Variants in RSU1 observed in about 807,000 individuals in gnomAD.
RSU1 encodes Ras suppressor protein 1, also known as rsu-1.
A neutral mutation model predicts 31.1 loss-of-function variants in RSU1; 26 were observed. That is an observed-to-expected ratio of 0.84 (90% confidence interval 0.61 to 1.16). RSU1 has a LOEUF of 1.16. RSU1 is among the 50% of genes most tolerant of loss of function. The pLI, the probability that RSU1 is intolerant of heterozygous loss-of-function variation, is 0.00. For missense variants in RSU1, 320 were observed against 339.1 expected (o/e 0.94, Z 0.44); for synonymous variants, 164 against 136.3 (o/e 1.20, Z -1.41).
intron 3 of RSU1, among the ~76,000 whole-genome samples, chr10:16,766,728 G>A (rs568976171): frequency 1.8e-4 from 27 of 151,004 alleles, no homozygotes; most frequent in African/African-American, 6.6e-4. Context: ...GAAGAGAAAA[G>A]ATTGGCCTGG....
intron 2 of RSU1, among the ~76,000 whole-genome samples, chr10:16,789,411 G>C (rs888317455): frequency 2.0e-5 from 3 of 152,132 alleles, no homozygotes. Context: ...ACTCCAGGTC[G>C]GGTCTGCAGG....
chr10:16,624,175 A>T (rs997790877), intron 8 of RSU1, among the ~76,000 whole-genome samples: 1 of 151,952 alleles, frequency 6.6e-6, no homozygotes, highest in African/African-American at 2.4e-5. Flanking sequence ...AGCTCAGGGT[A>T]TCAGGTCCCT....
At chr10:16,673,356 TTTC>T (rs1835155519) in intron 8 of RSU1, among the ~76,000 whole-genome samples, 1 of 152,246 alleles carries the variant, frequency 6.6e-6, no homozygotes, top group Non-Finnish European at 1.5e-5. Flanking sequence ...GCTACAAATT[TTTC>T]TTTTTACTGG....
At chr10:16,749,059 T>C (rs1365288187) in intron 7 of RSU1, among the ~76,000 whole-genome samples, 5 of 152,180 alleles carry the variant, frequency 3.3e-5, no homozygotes, top group Non-Finnish European at 7.3e-5. Context: ...GCAAGTTCCT[T>C]GGACTCAAAG....
chr10:16,669,342 T>C (rs1414876390), intron 8 of RSU1, among the ~76,000 whole-genome samples: 1 of 151,734 alleles, frequency 6.6e-6, no homozygotes, highest in African/African-American at 2.4e-5. Flanking sequence ...TGTTGTATTG[T>C]CTTCTTGAAA....
intron 2 of RSU1, among the ~76,000 whole-genome samples, chr10:16,794,116 C>A (rs1235513403): frequency 6.6e-6 from 1 of 152,106 alleles, no homozygotes; most frequent in African/African-American, 2.4e-5. Context: ...ATCACTGACA[C>A]GCACCCCTCC....
intron 7 of RSU1, among the ~76,000 whole-genome samples, chr10:16,742,656 T>G (rs1215632075): frequency 6.6e-6 from 1 of 151,980 alleles, no homozygotes; most frequent in Non-Finnish European, 1.5e-5. Context: ...TGCCGGCATT[T>G]CTCCCAGGGC....
chr10:16,781,404 A>G (rs1254838763), intron 3 of RSU1, among the ~76,000 whole-genome samples: 1 of 152,210 alleles, frequency 6.6e-6, no homozygotes, highest in African/African-American at 2.4e-5. Context: ...AAAAATGCAG[A>G]TGTAAAGGTA....
rs191578464 is a variant in RSU1, at chr10:16,631,116, A to G, written c.732-37620T>C. ...GGGTTCCAGGGTCCCTAAGGTTCCA[A>G]TCGTAATCAGCATCCAACTGTCTGC... is the stretch of plus-strand genomic sequence containing the variant. On this transcript the variant is annotated intron_variant, in intron 8 of 8. Coordinates refer to ENST00000345264, the MANE Select transcript of RSU1 (RefSeq NM_012425.4). Among the ~76,000 whole-genome samples the G allele has an allele frequency of 6.7e-4, 102 of 152,320 alleles. 1 individual carries two copies. The East Asian group carries it at 0.015, about 23-fold the overall frequency.
At chr10:16,798,063 T>A (rs1443980117) in intron 2 of RSU1, among the ~76,000 whole-genome samples, 1 of 152,012 alleles carries the variant, frequency 6.6e-6, no homozygotes, top group African/African-American at 2.4e-5. Flanking sequence ...GGTTTTACCA[T>A]GTTGGCCAGG....
chr10:16,656,459 T>A (rs1259147448), intron 8 of RSU1, among the ~76,000 whole-genome samples: 1 of 152,180 alleles, frequency 6.6e-6, no homozygotes, highest in Non-Finnish European at 1.5e-5. Context: ...AAGTTTTTGT[T>A]TGCTTGTTTG....
At chr10:16,800,962 C>A (rs201583454) in intron 2 of RSU1, among the ~76,000 whole-genome samples, 14 of 140,890 alleles carry the variant, frequency 9.9e-5, no homozygotes, top group Non-Finnish European at 9.5e-5. Flanking sequence ...GAGCAGAAGA[C>A]AAAAAAAAAA....
chr10:16,696,952 C>T (rs1358329528), intron 7 of RSU1, among the ~76,000 whole-genome samples: 1 of 152,104 alleles, frequency 6.6e-6, no homozygotes, highest in Non-Finnish European at 1.5e-5. Context: ...TAGTTTGCTG[C>T]ACTCAATTTA....
At chr10:16,612,347 C>A (rs1833905486) in intron 8 of RSU1, among the ~76,000 whole-genome samples, 1 of 152,192 alleles carries the variant, frequency 6.6e-6, no homozygotes, top group Admixed American at 6.5e-5. Context: ...ACTTTCTGAG[C>A]CTGGTTTTCA....
At chr10:16,620,601 T>C (rs189812320) in intron 8 of RSU1, among the ~76,000 whole-genome samples, 2 of 150,754 alleles carry the variant, frequency 1.3e-5, no homozygotes, top group East Asian at 3.9e-4. Context: ...ATCCCAGCAC[T>C]TTGGGAGGCC....
At chr10:16,621,267 T>A (rs1179114368) in intron 8 of RSU1, among the ~76,000 whole-genome samples, 1 of 152,146 alleles carries the variant, frequency 6.6e-6, no homozygotes, top group South Asian at 2.1e-4. Context: ...GCACAGGACA[T>A]CCTGGCCCAA....
At chr10:16,687,579 G>A (rs1043928660) in intron 8 of RSU1, among the ~76,000 whole-genome samples, 10 of 152,190 alleles carry the variant, frequency 6.6e-5, no homozygotes, top group African/African-American at 2.4e-4. Context: ...TTGGAAGAGA[G>A]TAAGAACTTA....
intron 7 of RSU1, among the ~76,000 whole-genome samples, chr10:16,728,536 G>A (rs1017507143): frequency 1.3e-5 from 2 of 152,174 alleles, no homozygotes; most frequent in Admixed American, 6.5e-5. Context: ...AAACGCAACG[G>A]AACTATGAGG....
rs1262767525 is a variant in RSU1 at position 16,590,753 on chromosome 10, AAAT to A, written c.*2638_*2640del. On this transcript the variant is annotated 3_prime_UTR_variant, in exon 9 of 9. Coordinates refer to ENST00000345264, the MANE Select transcript of RSU1 (RefSeq NM_012425.4). Reference sequence around the variant, plus strand: ...ATACAGAGATAATTTAACTGCCTTAAAATAATTGTGTTCACCTCTATTTAATTT... The same window carrying A: ...ATACAGAGATAATTTAACTGCCTTAAAATTGTGTTCACCTCTATTTAATTT... 3 of 152,232 alleles carry A rather than the reference AAAT, an allele frequency of 2.0e-5. No homozygotes were observed. The highest frequency in any genetic ancestry group is 7.2e-5 in the African/African-American group (3 of 41,456). The allele number at this position is 152,232 out of a possible 1,614,324, so 9.4% of individuals were successfully genotyped here.
Sources: allele counts gnomAD v4.1 joint callset (sites outside exome capture counted in the v4.1 genomes callset), GRCh38; gene constraint gnomAD v4.1.1; transcripts MANE v1.5; gene names NCBI Gene and HGNC (gene_info 2026-07-23, HGNC 2026-07-21).